TMEM154: variants seen among roughly 807,000 people sequenced by gnomAD.
TMEM154 encodes the protein transmembrane protein 154.
Under a neutral mutation model 24.5 loss-of-function variants are expected in TMEM154, and 27 were observed. That is an observed-to-expected ratio of 1.10 (90% confidence interval 0.81 to 1.52). The LOEUF (loss-of-function observed/expected upper bound fraction) is 1.52. Among genes scored for constraint, TMEM154 ranks in the 40% most tolerant of loss-of-function variants. The pLI, the probability that TMEM154 is intolerant of heterozygous loss-of-function variation, is 0.00. For synonymous variants in TMEM154, 67 were observed against 76.8 expected (o/e 0.87, Z 0.67); for missense variants, 228 against 213.4 (o/e 1.07, Z -0.43).
intron 1 of TMEM154, among the ~76,000 whole-genome samples, chr4:152,663,234 G>C (rs1037341226): frequency 1.3e-5 from 2 of 152,098 alleles, no homozygotes; most frequent in Non-Finnish European, 2.9e-5. Flanking sequence ...TTTCTCTGCT[G>C]TTCCCCAGAA....
chr4:152,661,340 CT>C (rs1453922909), intron 1 of TMEM154, among the ~76,000 whole-genome samples: 18 of 130,788 alleles, frequency 1.4e-4, no homozygotes, highest in African/African-American at 4.3e-4. Flanking sequence ...CTCTCTCTCT[CT>C]CCCCCCAACT....
intron 1 of TMEM154, among the ~76,000 whole-genome samples, chr4:152,662,992 C>T (rs1037455316): frequency 6.6e-6 from 1 of 152,134 alleles, no homozygotes. Flanking sequence ...CCCTCTGCAC[C>T]CTTGGGGCCT....
At chr4:152,664,920 C>G (rs1728686410) in intron 1 of TMEM154, among the ~76,000 whole-genome samples, 1 of 148,572 alleles carries the variant, frequency 6.7e-6, no homozygotes, top group South Asian at 2.1e-4. Context: ...GACTCCTTTT[C>G]ATTCTCCTGT....
At chr4:152,656,105 A>G (rs563505651) in intron 1 of TMEM154, among the ~76,000 whole-genome samples, 1 of 152,212 alleles carries the variant, frequency 6.6e-6, no homozygotes, top group Admixed American at 6.5e-5. Context: ...ACCCTCATGT[A>G]CCAGCTACAG....
chr4:152,634,172 G>A (rs935066974), intron 6 of TMEM154, among the ~76,000 whole-genome samples: 1 of 152,020 alleles, frequency 6.6e-6, no homozygotes, highest in East Asian at 1.9e-4. Context: ...CATGTAATGG[G>A]CATGCTACCA....
At chr4:152,647,120 G>T in intron 3 of TMEM154, 1 of 1,437,152 alleles carries the variant, frequency 7.0e-7, no homozygotes, top group Non-Finnish European at 9.4e-7. Flanking sequence ...TTTTGGCCAA[G>T]TCCTCTCCCA....
At chr4:152,665,952 T>A (rs2149789000) in intron 1 of TMEM154, among the ~76,000 whole-genome samples, 1 of 152,132 alleles carries the variant, frequency 6.6e-6, no homozygotes, top group African/African-American at 2.4e-5. Flanking sequence ...CACGCCTGAC[T>A]AATTTTTGCA....
chr4:152,659,063 C>G (rs149627045), intron 1 of TMEM154, among the ~76,000 whole-genome samples: 10 of 152,124 alleles, frequency 6.6e-5, no homozygotes, highest in Non-Finnish European at 1.5e-5. Context: ...ATTGCACTCG[C>G]GTGTTCATTG....
intron 3 of TMEM154, among the ~76,000 whole-genome samples, chr4:152,650,028 A>G (rs4508863): frequency 0.59 from 90,006 of 152,040 alleles, 26,812 homozygotes; most frequent in Admixed American, 0.63. Flanking sequence ...AGCCTTCCGC[A>G]AGTTGTAATT....
chr4:152,640,131 G>A (rs1228154407), intron 6 of TMEM154, among the ~76,000 whole-genome samples: 1 of 152,160 alleles, frequency 6.6e-6, no homozygotes, highest in Admixed American at 6.6e-5. Flanking sequence ...GGAGGGAGAG[G>A]ATTTATCCTG....
At chr4:152,639,036 C>T (rs189315871) in intron 6 of TMEM154, among the ~76,000 whole-genome samples, 52 of 152,226 alleles carry the variant, frequency 3.4e-4, no homozygotes, top group Admixed American at 1.8e-3. Flanking sequence ...CTGCAATCTC[C>T]GCCTTCCCAG....
At chr4:152,628,787 C>A (rs1465007905) in intron 6 of TMEM154, among the ~76,000 whole-genome samples, 4 of 150,978 alleles carry the variant, frequency 2.6e-5, no homozygotes, top group Non-Finnish European at 5.9e-5. Context: ...CAGGCACCCA[C>A]CACCAAGCCT....
At chr4:152,646,725 A>G (rs1245787472) in intron 3 of TMEM154, 2 of 515,812 alleles carry the variant, frequency 3.9e-6, no homozygotes, top group African/African-American at 3.9e-5. Flanking sequence ...CTCCTCTCAG[A>G]TCCTCTCCTC....
At chr4:152,667,378 A>G (rs1157592447) in intron 1 of TMEM154, among the ~76,000 whole-genome samples, 1 of 152,244 alleles carries the variant, frequency 6.6e-6, no homozygotes, top group Non-Finnish European at 1.5e-5. Flanking sequence ...GAATTGCTTA[A>G]TAACAACTTA....
intron 1 of TMEM154, among the ~76,000 whole-genome samples, chr4:152,664,507 C>T (rs1464377489): frequency 6.6e-6 from 1 of 152,138 alleles, no homozygotes; most frequent in Admixed American, 6.5e-5. Context: ...CAAACCTGCA[C>T]ACTGGAATTT....
intron 1 of TMEM154, among the ~76,000 whole-genome samples, chr4:152,674,883 C>T (rs1561059961): frequency 1.3e-5 from 2 of 151,864 alleles, no homozygotes; most frequent in Admixed American, 6.6e-5. Flanking sequence ...AGGCCAGGTG[C>T]GGTGGCTCAT....
rs866224009 is a variant in TMEM154 at position 152,628,709 on chromosome 4, C to T, written c.537-148G>A. 1.0e-4 allele frequency: 107 copies of T among 1,025,400 alleles called. 1 individual carries two copies. The highest frequency in any genetic ancestry group is 2.6e-4 in the East Asian group (9 of 34,714). 63.5% of individuals were successfully genotyped at this position (1,025,400 alleles called of 1,614,324 possible). ...TGGAGCGCAGTGGCACAATCTCGGC[C>T]CACTGCAAGCTCCACCTCCCAGGTT... On this transcript the variant is annotated intron_variant, in intron 6 of 6. Coordinates refer to ENST00000304385, the MANE Select transcript of TMEM154 (RefSeq NM_152680.3).
intron 6 of TMEM154, among the ~76,000 whole-genome samples, chr4:152,638,498 A>G (rs1400945478): frequency 1.3e-5 from 2 of 152,166 alleles, no homozygotes; most frequent in Non-Finnish European, 2.9e-5. Flanking sequence ...CTTAGGATAC[A>G]GGCTTAGGAT....
intron 1 of TMEM154, 133 bp downstream of exon 1, chr4:152,679,737 T>C: frequency 7.4e-7 from 1 of 1,349,124 alleles, no homozygotes; most frequent in Non-Finnish European, 1.0e-6. Context: ...GGAGTTCTAA[T>C]TTTCTCCACT....
Sources: allele counts gnomAD v4.1 joint callset (sites outside exome capture counted in the v4.1 genomes callset), GRCh38; gene constraint gnomAD v4.1.1; transcripts MANE v1.5; gene names NCBI Gene and HGNC (gene_info 2026-07-23, HGNC 2026-07-21).